CTNNA3: variants seen among roughly 807,000 people sequenced by gnomAD.
The protein encoded by CTNNA3 is catenin alpha 3, also known as catenin alpha-3.
In CTNNA3, 76 loss-of-function variants were observed where a neutral mutation model predicts 95.7. The observed-to-expected ratio is 0.79, with a 90% CI of 0.66 to 0.96. The LOEUF (loss-of-function observed/expected upper bound fraction) is 0.96, where lower values mean the gene tolerates loss of function less well. Among genes scored for constraint, CTNNA3 ranks in the 40% least tolerant of loss-of-function variants. The pLI is 0.00. For synonymous variants in CTNNA3, 431 were observed against 374.4 expected, an observed-to-expected ratio of 1.15 and a Z score of -1.74; for missense variants, 1,191 against 1,089.8, an observed-to-expected ratio of 1.09 and a Z score of -1.31.
At chr10:67,196,482 A>T (rs1408463495) in intron 6 of CTNNA3, among the ~76,000 whole-genome samples, 1 of 152,018 alleles carries the variant, frequency 6.6e-6, no homozygotes, top group Non-Finnish European at 1.5e-5. Flanking sequence ...ATACATACAG[A>T]CTCCTTTAAA....
rs1311760867 is a variant in CTNNA3, at chr10:67,030,617, A to G, written c.1047+149700T>C. On this transcript the variant is annotated intron_variant, in intron 7 of 17. Transcript: ENST00000433211. ...TCTGATTTTGCATATTTTCATGAAG[A>G]TATTATGTAGATCAATATATTTGTT... 3.3e-5 allele frequency among the ~76,000 whole-genome samples: 5 copies of G among 152,184 alleles called. No individual in the cohort carries two copies. The East Asian group carries it at 9.6e-4, about 29-fold the overall frequency.
intron 7 of CTNNA3, among the ~76,000 whole-genome samples, chr10:66,999,321 C>A (rs959791318): frequency 2.0e-5 from 3 of 152,080 alleles, no homozygotes; most frequent in African/African-American, 7.2e-5. Context: ...ACACTGGAAT[C>A]TGAAATTATC....
intron 7 of CTNNA3, among the ~76,000 whole-genome samples, chr10:67,109,800 G>A (rs1389322200): frequency 2.0e-5 from 3 of 152,212 alleles, no homozygotes; most frequent in Non-Finnish European, 2.9e-5. Context: ...CCGAGATCGC[G>A]CCACTGCACT....
chr10:66,496,883 A>G (rs892811848), intron 11 of CTNNA3, among the ~76,000 whole-genome samples: 1 of 152,112 alleles, frequency 6.6e-6, no homozygotes, highest in Non-Finnish European at 1.5e-5. Context: ...ACATTTCTGG[A>G]GGCTAGAAGT....
chr10:67,629,791 C>T (rs72806686), intron 2 of CTNNA3, among the ~76,000 whole-genome samples: 7,759 of 152,246 alleles, frequency 0.051, 269 homozygotes, highest in Non-Finnish European at 0.073. Flanking sequence ...AAAACCCTGG[C>T]AACTAGGTAA....
intron 12 of CTNNA3, among the ~76,000 whole-genome samples, chr10:66,307,057 G>A (rs10762052): frequency 0.27 from 41,323 of 151,954 alleles, 6,020 homozygotes; most frequent in African/African-American, 0.35. Context: ...ATCCTCACAA[G>A]AGCCCTCTGA....
chr10:67,338,202 C>T (rs751107424), intron 5 of CTNNA3, among the ~76,000 whole-genome samples: 47 of 152,244 alleles, frequency 3.1e-4, no homozygotes, highest in Middle Eastern at 3.4e-3. Flanking sequence ...ATGGAGCTGG[C>T]ATTTGCTTCT....
In CTNNA3 at chr10:66,702,707, C is replaced by CAA. The variant is rs36140474; in HGVS notation, c.1281+63555_1281+63556dup. The stretch of plus-strand genomic sequence containing the variant: ...GGGCAACAAGAGTGAAACTCCACCT[C>CAA]AAAAAAAAAAAAAAAAAAAAGAATA... On this transcript the variant is annotated intron_variant, in intron 9 of 17. Transcript: ENST00000433211. 7.9e-3 allele frequency among the ~76,000 whole-genome samples: 645 copies of CAA among 81,194 alleles called. 17 individuals carry two copies. Among genetic ancestry groups the CAA allele is most frequent in the African/African-American group, 0.012 (228 of 19,636 alleles). 53.3% of individuals were successfully genotyped at this position (81,194 alleles called of 152,430 possible). A position where few individuals can be genotyped will look rare whatever the true frequency, so the allele number is the denominator to read the frequency against.
intron 3 of CTNNA3, among the ~76,000 whole-genome samples, chr10:67,605,299 AT>A (rs1843228620): frequency 6.6e-6 from 1 of 152,236 alleles, no homozygotes; most frequent in Non-Finnish European, 1.5e-5. Context: ...TCTCACTTAT[AT>A]GTAGAATCTT....
At chr10:67,514,090 C>T (rs1215496824) in intron 5 of CTNNA3, among the ~76,000 whole-genome samples, 1 of 151,944 alleles carries the variant, frequency 6.6e-6, no homozygotes, top group South Asian at 2.1e-4. Flanking sequence ...ACGGGTGAAT[C>T]GAGTTCAAGA....
At chr10:67,247,561 T>C (rs1865948717) in intron 5 of CTNNA3, among the ~76,000 whole-genome samples, 1 of 152,204 alleles carries the variant, frequency 6.6e-6, no homozygotes, top group Non-Finnish European at 1.5e-5. Context: ...ACAGTATTTT[T>C]ATGATGACAT....
chr10:66,189,291 A>G (rs990507625), intron 13 of CTNNA3, among the ~76,000 whole-genome samples: 1 of 146,268 alleles, frequency 6.8e-6, no homozygotes, highest in African/African-American at 2.5e-5. Context: ...AAAAAAAAAC[A>G]TTGTTAAGAC....
chr10:66,830,901 G>A (rs1283602134), intron 7 of CTNNA3, among the ~76,000 whole-genome samples: 11 of 152,016 alleles, frequency 7.2e-5, no homozygotes, highest in Non-Finnish European at 1.2e-4. Context: ...GAGCCACCGC[G>A]CCTGGCCTAC....
intron 15 of CTNNA3, among the ~76,000 whole-genome samples, chr10:66,062,325 A>G (rs1333225134): frequency 6.6e-6 from 1 of 152,110 alleles, no homozygotes; most frequent in Non-Finnish European, 1.5e-5. Flanking sequence ...CTATAGAGCT[A>G]TTTAAAATCT....
chr10:67,386,479 T>C (rs1170437590), intron 5 of CTNNA3, among the ~76,000 whole-genome samples: 1 of 152,156 alleles, frequency 6.6e-6, no homozygotes, highest in African/African-American at 2.4e-5. Context: ...AAATGGGCGT[T>C]TCTCACATTC....
chr10:67,257,080 G>A (rs1436452492), intron 5 of CTNNA3, among the ~76,000 whole-genome samples: 2 of 152,080 alleles, frequency 1.3e-5, no homozygotes, highest in African/African-American at 4.8e-5. Context: ...TATAATTTTA[G>A]AATTCTGATA....
At chr10:66,618,383 A>C (rs1049027779) in intron 10 of CTNNA3, among the ~76,000 whole-genome samples, 1 of 152,094 alleles carries the variant, frequency 6.6e-6, no homozygotes, top group African/African-American at 2.4e-5. Context: ...ATGGAACAGA[A>C]CAGAGCCCTC....
chr10:66,171,104 A>T (rs1476402933), intron 13 of CTNNA3, among the ~76,000 whole-genome samples: 2 of 151,240 alleles, frequency 1.3e-5, no homozygotes, highest in Non-Finnish European at 3.0e-5. Flanking sequence ...CTGCACTCCA[A>T]CCTGGGCGAC....
intron 16 of CTNNA3, among the ~76,000 whole-genome samples, chr10:65,979,747 A>C (rs943458969): frequency 1.3e-5 from 2 of 152,106 alleles, no homozygotes; most frequent in Non-Finnish European, 2.9e-5. Flanking sequence ...AAAATGTCAG[A>C]CATTACATAA....
Sources: gnomAD v4.1 joint callset for allele counts (sites outside exome capture counted in the v4.1 genomes callset) on GRCh38, gnomAD v4.1.1 for gene constraint, MANE v1.5 for transcripts, NCBI Gene and HGNC (gene_info 2026-07-23, HGNC 2026-07-21) for gene names.